Variants in EED observed in about 807,000 individuals in gnomAD.
EED encodes the protein embryonic ectoderm development, also known as polycomb protein EED.
Under a neutral mutation model 61.0 loss-of-function variants are expected in EED, and 9 were observed. That is an observed-to-expected ratio of 0.15 (90% CI 0.09 to 0.26). EED has a LOEUF of 0.26. Ranked by LOEUF, EED falls within the 10% of genes least tolerant of loss-of-function variation. The probability of loss-of-function intolerance (pLI) is 1.00; values close to 1 mark genes in which losing one functional copy is unlikely to be tolerated. For synonymous variants in EED, 187 were observed against 174.4 expected, an observed-to-expected ratio of 1.07 and a Z score of -0.57; for missense variants, 315 against 542.3, an observed-to-expected ratio of 0.58 and a Z score of 4.16.
At chr11:86,274,661 G>C (rs77102873) in intron 9 of EED, among the ~76,000 whole-genome samples, 4,745 of 152,248 alleles carry the variant, frequency 0.031, 236 homozygotes, top group African/African-American at 0.11. Flanking sequence ...TACCACCCTA[G>C]CTGGGAAGGG....
intron 5 of EED, 63 bp from the exon 6 acceptor site, chr11:86,257,452 T>C: frequency 2.9e-6 from 4 of 1,357,284 alleles, no homozygotes; most frequent in Non-Finnish European, 4.0e-6. Context: ...TCTCTAAAGA[T>C]TTATGAAAAA....
rs375816738 is a variant in EED at position 86,267,411 on chromosome 11, T to C, written c.861-1045T>C. On this transcript the variant is annotated intron_variant, in intron 8 of 11. Coordinates refer to ENST00000263360, the MANE Select transcript of EED (RefSeq NM_003797.5). ...CCTAAGACAACTAATTCATGGCATA[T>C]TATACTTATACAGCTATTTCTGATT... Among the ~76,000 whole-genome samples, 7 of 152,194 alleles carry C rather than the reference T, an allele frequency of 4.6e-5. No homozygotes were observed. In the East Asian group the frequency reaches 1.2e-3, roughly 25 times the overall value.
At chr11:86,285,101 ACT>A in the EED span, among the ~76,000 whole-genome samples, 4 of 151,402 alleles carry the variant, frequency 2.6e-5, no homozygotes, top group East Asian at 3.9e-4. Flanking sequence ...ACAGAGTGAG[ACT>A]CTGTCTCAAA....
the EED span, among the ~76,000 whole-genome samples, chr11:86,287,099 T>G: frequency 2.6e-5 from 4 of 152,048 alleles, no homozygotes; most frequent in Non-Finnish European, 4.4e-5. Context: ...ATTTCTTTTT[T>G]TTTTTCTTTT....
downstream of EED, among the ~76,000 whole-genome samples, chr11:86,281,717 G>A (rs1946325849): frequency 1.3e-5 from 2 of 152,142 alleles, no homozygotes; most frequent in African/African-American, 4.8e-5. Context: ...CGCAGGTGCA[G>A]TTATAGCTGT....
In EED at chr11:86,245,108, G is replaced by A; in HGVS notation, c.-122G>A. 1 of 684,966 alleles carries A rather than the reference G, an allele frequency of 1.5e-6. No individual in the cohort carries two copies. Among genetic ancestry groups the A allele is most frequent in the Non-Finnish European group, 2.4e-6 (1 of 416,390 alleles). 42.4% of individuals were successfully genotyped at this position (684,966 alleles called of 1,614,324 possible). A position where few individuals can be genotyped will look rare whatever the true frequency, so the allele number is the denominator to read the frequency against. On this transcript the variant is annotated 5_prime_UTR_variant, in exon 1 of 12. Transcript: ENST00000263360. Reference sequence around the variant, plus strand: ...CTGGGCGCGATTTGCGACAGTGGGGGGGGCGGTGGAGGTGGCGGCGGCAGC... The same window carrying A: ...CTGGGCGCGATTTGCGACAGTGGGGAGGGCGGTGGAGGTGGCGGCGGCAGC...
At chr11:86,280,148 G>A (rs1483093132), downstream of EED, among the ~76,000 whole-genome samples, 1 of 152,082 alleles carries the variant, frequency 6.6e-6, no homozygotes, top group East Asian at 1.9e-4. Context: ...GTGCAGTGGT[G>A]CGGTCTCAGA....
In EED at chr11:86,266,079, A is replaced by G. The variant is rs1374350264; in HGVS notation, c.727-4A>G. The G allele has an allele frequency of 6.3e-7, 1 of 1,579,458 alleles. No individual in the cohort carries two copies. Among genetic ancestry groups the G allele is most frequent in the Non-Finnish European group, 8.6e-7 (1 of 1,166,816 alleles). On this transcript the variant is annotated splice_polypyrimidine_tract_variant and splice_region_variant and intron_variant, in intron 7 of 11. Coordinates refer to ENST00000263360, the MANE Select transcript of EED (RefSeq NM_003797.5). The stretch of plus-strand genomic sequence containing the variant: ...TATATAAAACTTTTTGGTTTTGCAT[A>G]CAGGATTATGATCTTTTGGGTGAAA...
intron 6 of EED, among the ~76,000 whole-genome samples, chr11:86,260,991 T>G (rs930916300): frequency 1.3e-5 from 2 of 152,034 alleles, no homozygotes; most frequent in Admixed American, 1.3e-4. Flanking sequence ...ACGCTTCTCA[T>G]TAGGTCTCAT....
chr11:86,245,434 G>C (rs184585127), intron 1 of EED, 91 bp downstream of exon 1: 116 of 1,063,848 alleles, frequency 1.1e-4, no homozygotes, highest in Admixed American at 3.4e-4. Flanking sequence ...GGGCTGCTGT[G>C]GGGGGAGGGA....
At chr11:86,248,255 G>C (rs900416839) in intron 1 of EED, among the ~76,000 whole-genome samples, 1 of 152,202 alleles carries the variant, frequency 6.6e-6, no homozygotes, top group Non-Finnish European at 1.5e-5. Flanking sequence ...TGGAAGCATG[G>C]TGGCTGTATT....
At chr11:86,285,333 T>C in the EED span, among the ~76,000 whole-genome samples, 8 of 151,748 alleles carry the variant, frequency 5.3e-5, no homozygotes, top group African/African-American at 1.9e-4. Context: ...GGTGGGAGTA[T>C]CACTTGAGCC....
intron 6 of EED, among the ~76,000 whole-genome samples, chr11:86,260,317 C>T (rs549788209): frequency 2.6e-4 from 39 of 152,234 alleles, no homozygotes; most frequent in African/African-American, 9.2e-4. Flanking sequence ...AGCTTGAGCT[C>T]CTGGCCTCAA....
At chr11:86,266,261 G>A (rs1945974111) in intron 8 of EED, 45 bp downstream of exon 8, 1 of 1,485,560 alleles carries the variant, frequency 6.7e-7, no homozygotes, top group Admixed American at 2.2e-5. Context: ...TTGTGCTATT[G>A]AATATAAGTT....
intron 9 of EED, 86 bp from the exon 10 acceptor site, chr11:86,276,894 C>T (rs994442191): frequency 5.2e-5 from 65 of 1,260,884 alleles, no homozygotes; most frequent in Middle Eastern, 5.7e-4. Context: ...CTGTGAATTC[C>T]AAAACAATAG....
chr11:86,259,972 C>A (rs566178266), intron 6 of EED, among the ~76,000 whole-genome samples: 1 of 152,142 alleles, frequency 6.6e-6, no homozygotes, highest in African/African-American at 2.4e-5. Context: ...GTCACTAATC[C>A]TAGATGTTTA....
chr11:86,282,567 T>C (rs751070398), downstream of EED, among the ~76,000 whole-genome samples: 37 of 152,342 alleles, frequency 2.4e-4, no homozygotes, highest in Non-Finnish European at 4.9e-4. Context: ...GCTCATTTTA[T>C]AATTAGATAG....
In EED at chr11:86,245,217, G is replaced by C. The variant is rs760817291; in HGVS notation, c.-13G>C. 2 of 1,609,616 alleles carry C rather than the reference G, an allele frequency of 1.2e-6. No individual in the cohort carries two copies. Among genetic ancestry groups the C allele is most frequent in the African/African-American group, 2.7e-5 (2 of 74,600 alleles). The stretch of plus-strand genomic sequence containing the variant: ...GCCCCAGGCGGCAGGAACCTGGAGG[G>C]AGGCGGAGGAATATGTCCGAGAGGG... On this transcript the variant is annotated 5_prime_UTR_variant, in exon 1 of 12. Coordinates refer to ENST00000263360, the MANE Select transcript of EED (RefSeq NM_003797.5).
downstream of EED, among the ~76,000 whole-genome samples, chr11:86,281,712 G>A (rs533954202): frequency 6.2e-4 from 95 of 152,232 alleles, no homozygotes; most frequent in African/African-American, 2.2e-3. Context: ...CTATTCGCAG[G>A]TGCAGTTATA....
Sources: gnomAD v4.1 joint callset for allele counts (sites outside exome capture counted in the v4.1 genomes callset) on GRCh38, gnomAD v4.1.1 for gene constraint, MANE v1.5 for transcripts, NCBI Gene and HGNC (gene_info 2026-07-23, HGNC 2026-07-21) for gene names.